UCHL1: variants seen among roughly 807,000 people sequenced by gnomAD.
The protein encoded by UCHL1 is ubiquitin carboxyl-terminal hydrolase isozyme L1.
A neutral mutation model predicts 33.3 loss-of-function variants in UCHL1; 5 were observed. The ratio of observed to expected loss-of-function variants is 0.15; its 90% CI spans 0.08 to 0.32. UCHL1 has a LOEUF of 0.32. Among genes scored for constraint, UCHL1 ranks in the 10% least tolerant of loss-of-function variants. UCHL1 has a pLI of 1.00. For synonymous variants in UCHL1, 132 were observed against 108.8 expected, an observed-to-expected ratio of 1.21 and a Z score of -1.33; for missense variants, 236 against 280.0, an observed-to-expected ratio of 0.84 and a Z score of 1.12.
chr4:41,266,634 T>G (rs1377676248), intron 8 of UCHL1, among the ~76,000 whole-genome samples: 1 of 152,196 alleles, frequency 6.6e-6, no homozygotes, highest in African/African-American at 2.4e-5. Context: ...TTGGTTGCTT[T>G]TTTTGAGAAA....
In UCHL1 at chr4:41,267,952, G is replaced by A. The variant is rs116293750; in HGVS notation, c.586-35G>A. ...TATGTGACTTTCATTTTGAGCTCTT[G>A]CTGTTTGGATTTTAATGACATTTCT... On this transcript the variant is annotated intron_variant, in intron 8 of 8. Transcript: ENST00000284440. 9.2e-4 allele frequency: 1,455 copies of A among 1,589,610 alleles called. 12 individuals are homozygous for A. The African/African-American group carries it at 0.017, about 18-fold the overall frequency.
At chr4:41,257,298 ACT>A (rs1780993116) in intron 2 of UCHL1, 172 bp downstream of exon 2, 1 of 1,142,218 alleles carries the variant, frequency 8.8e-7, no homozygotes, top group Non-Finnish European at 1.2e-6. Context: ...TTAGCGGGTG[ACT>A]CTACGAAACC....
chr4:41,260,541 G>T, intron 3 of UCHL1, 106 bp from the exon 4 acceptor site: 1 of 1,401,286 alleles, frequency 7.1e-7, no homozygotes, highest in East Asian at 2.5e-5. Context: ...AGGGGTTCTG[G>T]TCACACATCC....
At chr4:41,257,420 G>A in intron 2 of UCHL1, 189 bp from the exon 3 acceptor site, 1 of 935,368 alleles carries the variant, frequency 1.1e-6, no homozygotes, top group Non-Finnish European at 1.5e-6. Context: ...CTTCGCGGGC[G>A]CCACGTGTGG....
intron 6 of UCHL1, among the ~76,000 whole-genome samples, chr4:41,262,853 C>A (rs920345119): frequency 9.2e-5 from 14 of 152,130 alleles, no homozygotes; most frequent in Non-Finnish European, 2.9e-5. Context: ...AGTGATCTGC[C>A]TGCCTCAGCC....
At chr4:41,265,833 G>GA (rs900048221) in intron 8 of UCHL1, among the ~76,000 whole-genome samples, 1 of 152,228 alleles carries the variant, frequency 6.6e-6, no homozygotes, top group African/African-American at 2.4e-5. Flanking sequence ...AATATGGAAT[G>GA]AAGAATAGAC....
At chr4:41,263,081 A>G (rs1308479536) in intron 6 of UCHL1, 144 bp from the exon 7 acceptor site, 7 of 697,262 alleles carry the variant, frequency 1.0e-5, no homozygotes, top group Non-Finnish European at 1.8e-5. Flanking sequence ...TGGGCTTAGA[A>G]TAGGGCTTAA....
rs767268217 is a variant in UCHL1 at position 41,261,699 on chromosome 4, C to G, written c.326-16C>G. The G allele has an allele frequency of 6.3e-7, 1 of 1,592,012 alleles. No homozygotes were observed. The highest frequency in any genetic ancestry group is 8.6e-7 in the Non-Finnish European group (1 of 1,168,460). Reference sequence around the variant, plus strand: ...TATTATTTTACCTATACTAACACATCCATTTTTTTTTTAAGAGGATGGATC... The same window carrying G: ...TATTATTTTACCTATACTAACACATGCATTTTTTTTTTAAGAGGATGGATC... On this transcript the variant is annotated splice_polypyrimidine_tract_variant and intron_variant, in intron 4 of 8. Transcript: ENST00000284440.
At chr4:41,267,405 C>T (rs561545460) in intron 8 of UCHL1, among the ~76,000 whole-genome samples, 4 of 152,140 alleles carry the variant, frequency 2.6e-5, no homozygotes, top group South Asian at 2.1e-4. Flanking sequence ...CCATCATGCC[C>T]GGCTAATTTT....
At position 41,256,981 on chromosome 4, in the gene UCHL1, A is replaced by C. The variant is rs1291830122; in HGVS notation, c.5A>C (p.Gln2Pro). ...TCTGCCGGGCGCTCCGCGAAGATGC[A>C]GCTCAAGCCGATGGAGATCAACCCC... Reference protein sequence around the residue: MQLKPMEINPEM... With the variant: MPLKPMEINPEM... Residue 2 changes from glutamine (Q) to proline (P), a missense_variant, in exon 1 of 9, where the codon CAG becomes CCG. Physicochemically the swap from Gln to Pro is moderately conservative, Grantham distance 76. Transcript: ENST00000284440. 6.2e-7 allele frequency: 1 copy of C among 1,614,168 alleles called. No homozygotes were observed. The highest frequency in any genetic ancestry group is 1.7e-5 in the Admixed American group (1 of 60,036).
Position 41,257,703 on chromosome 4 carries a change from G to T in UCHL1, c.140G>T (p.Cys47Phe). Reference sequence around the variant, plus strand: ...CTGGGCTCGGTGCCAGCGCCTGCCTGCGCGCTGCTGCTGCTGTTTCCCCTC... The same window carrying T: ...CTGGGCTCGGTGCCAGCGCCTGCCTTCGCGCTGCTGCTGCTGTTTCCCCTC... The part of the protein sequence containing the change: ...ESLGSVPAPA[C>F]ALLLLFPLTA... Residue 47 changes from cysteine to phenylalanine, a missense_variant, in exon 3 of 9, where the codon TGC (cysteine) becomes TTC (phenylalanine). Cys to Phe is a radical substitution (Grantham distance 205, BLOSUM62 -2). Transcript: ENST00000284440. 1 of 1,580,014 alleles carries T rather than the reference G, an allele frequency of 6.3e-7. No homozygotes were observed.
Position 41,257,254 on chromosome 4 carries a change from G to T in UCHL1, c.45+128G>T, listed in dbSNP as rs552024318. The T allele has an allele frequency of 4.2e-6, 6 of 1,443,296 alleles. No homozygotes were observed. The South Asian group carries it at 8.1e-5, about 19-fold the overall frequency. 89.4% of individuals were successfully genotyped at this position (1,443,296 alleles called of 1,614,324 possible). On this transcript the variant is annotated intron_variant, in intron 2 of 8. Transcript: ENST00000284440. ...GAGCACCGGAGACGGCCGGGCTGGG[G>T]CGTGGGCTGGGCGCCTTTCCTGGGC...
chr4:41,265,837 A>T (rs1243834088), intron 8 of UCHL1, among the ~76,000 whole-genome samples: 2 of 152,220 alleles, frequency 1.3e-5, no homozygotes, highest in Non-Finnish European at 2.9e-5. Context: ...TGGAATGAAG[A>T]ATAGACCTGG....
Position 41,265,128 on chromosome 4 carries a change from G to C in UCHL1, c.585+967G>C, listed in dbSNP as rs1484851773. ...TTGGGCCCACATGCTGCAGTTTACTGACCCCTCTTCTTAGGTGCTGTTCTA... is the reference window on the plus strand; with the variant it reads ...TTGGGCCCACATGCTGCAGTTTACTCACCCCTCTTCTTAGGTGCTGTTCTA... On this transcript the variant is annotated intron_variant, in intron 8 of 8. Transcript: ENST00000284440. Among the ~76,000 whole-genome samples, 6 of 152,290 alleles carry C rather than the reference G, an allele frequency of 3.9e-5. No individual in the cohort carries two copies. The South Asian group carries it at 1.2e-3, about 32-fold the overall frequency.
chr4:41,265,512 G>T (rs536758048), intron 8 of UCHL1, among the ~76,000 whole-genome samples: 1 of 152,274 alleles, frequency 6.6e-6, no homozygotes, highest in African/African-American at 2.4e-5. Context: ...CTGGGAGGTG[G>T]AGGTTGCAGT....
intron 8 of UCHL1, among the ~76,000 whole-genome samples, chr4:41,266,250 C>G (rs1194217494): frequency 8.9e-6 from 1 of 112,700 alleles, no homozygotes; most frequent in African/African-American, 3.6e-5. Context: ...TTTTTTTTAA[C>G]TTTTCTAATT....
chr4:41,258,525 A>G (rs1781020324), intron 3 of UCHL1, among the ~76,000 whole-genome samples: 1 of 152,054 alleles, frequency 6.6e-6, no homozygotes, highest in Non-Finnish European at 1.5e-5. Flanking sequence ...AAGGATAGCT[A>G]GGATATTTGC....
chr4:41,261,990 A>G, intron 6 of UCHL1, 67 bp downstream of exon 6: 1 of 1,590,308 alleles, frequency 6.3e-7, no homozygotes, highest in South Asian at 1.1e-5. Flanking sequence ...GAAATTGTGC[A>G]GGAATCTCTT....
chr4:41,257,732 G>A lies in UCHL1; in HGVS notation c.169G>A (p.Ala57Thr). 3.2e-6 allele frequency: 5 copies of A among 1,576,462 alleles called. No homozygotes were observed. The highest frequency in any genetic ancestry group is 4.3e-6 in the Non-Finnish European group (5 of 1,165,694). Residue 57 changes from alanine (A) to threonine (T), a missense_variant, in exon 3 of 9, where the codon GCC becomes ACC. By Grantham distance (58) the Ala-to-Thr change is moderately conservative. Transcript: ENST00000284440. ...CALLLLFPLT[A>T]QHENFRKKQI... ...GCTGCTGCTGCTGTTTCCCCTCACGGCCCAGGTAGGGCGTGGGGCCCAGGA... is the reference window on the plus strand; with the variant it reads ...GCTGCTGCTGCTGTTTCCCCTCACGACCCAGGTAGGGCGTGGGGCCCAGGA...
Sources: allele counts gnomAD v4.1 joint callset (sites outside exome capture counted in the v4.1 genomes callset), GRCh38; gene constraint gnomAD v4.1.1; transcripts MANE v1.5; gene names NCBI Gene and HGNC (gene_info 2026-07-23, HGNC 2026-07-21).